The following SLC18A2 variants were observed in gnomAD, a reference collection of about 807,000 sequenced individuals.
The protein encoded by SLC18A2 is synaptic vesicular amine transporter.
A neutral mutation model predicts 59.2 loss-of-function variants in SLC18A2; 33 were observed. The observed-to-expected ratio is 0.56, with a 90% CI of 0.42 to 0.75. SLC18A2 has a LOEUF of 0.75. SLC18A2 is among the 30% of genes least tolerant of loss of function. The probability of loss-of-function intolerance (pLI) is 0.00; values close to 1 mark genes in which losing one functional copy is unlikely to be tolerated. For synonymous variants in SLC18A2, 228 were observed against 253.5 expected, an observed-to-expected ratio of 0.90 and a Z score of 0.95; for missense variants, 569 against 668.6, an observed-to-expected ratio of 0.85 and a Z score of 1.64.
At chr10:117,260,528 A>G (rs144162323) in intron 10 of SLC18A2, among the ~76,000 whole-genome samples, 1 of 152,164 alleles carries the variant, frequency 6.6e-6, no homozygotes, top group African/African-American at 2.4e-5. Context: ...TGTGTCTAGA[A>G]TTTTCTTCTA....
At chr10:117,273,074 C>G (rs1348565729) in intron 15 of SLC18A2, among the ~76,000 whole-genome samples, 1 of 152,222 alleles carries the variant, frequency 6.6e-6, no homozygotes, top group Non-Finnish European at 1.5e-5. Flanking sequence ...ATCCTGATAA[C>G]AAGGTGTTTG....
intron 3 of SLC18A2, 40 bp downstream of exon 3, chr10:117,244,353 A>T (rs774183481): frequency 2.0e-6 from 3 of 1,529,402 alleles, no homozygotes; most frequent in African/African-American, 2.7e-5. Flanking sequence ...TGATATTTGT[A>T]TCAGTCCTAG....
intron 3 of SLC18A2, among the ~76,000 whole-genome samples, chr10:117,246,217 AT>A (rs374225546): frequency 1.2e-3 from 183 of 152,344 alleles, no homozygotes; most frequent in African/African-American, 4.2e-3. Flanking sequence ...TATCGTAATA[AT>A]ACCTTGCCAA....
At chr10:117,258,842 C>T (rs113329406) in intron 10 of SLC18A2, among the ~76,000 whole-genome samples, 1 of 150,208 alleles carries the variant, frequency 6.7e-6, no homozygotes, top group African/African-American at 2.5e-5. Flanking sequence ...TCTCCACTCA[C>T]TGCAACCTCT....
At chr10:117,251,346 C>T (rs1223451108) in intron 3 of SLC18A2, among the ~76,000 whole-genome samples, 2 of 152,142 alleles carry the variant, frequency 1.3e-5, no homozygotes, top group East Asian at 1.9e-4. Context: ...CCTGCAGTGC[C>T]GTGTGAGCCC....
At chr10:117,252,134 A>AC in intron 3 of SLC18A2, among the ~76,000 whole-genome samples, 1 of 44,348 alleles carries the variant, frequency 2.3e-5, no homozygotes, top group Non-Finnish European at 4.4e-5. Context: ...CATTTTTTGT[A>AC]TTTTTTTTTT....
intron 3 of SLC18A2, among the ~76,000 whole-genome samples, chr10:117,251,147 C>A (rs760480372): frequency 7.2e-5 from 11 of 152,126 alleles, no homozygotes; most frequent in African/African-American, 2.7e-4. Context: ...AGCTTTGATA[C>A]GTATTGGTAC....
At position 117,278,860 on chromosome 10, in the gene SLC18A2, C is replaced by T. The variant is rs363236; in HGVS notation, c.*1594C>T. 116,897 of 152,130 alleles carry T rather than the reference C, an allele frequency of 0.77. 45,576 individuals are homozygous for T. The highest frequency in any genetic ancestry group is 0.85 in the Non-Finnish European group (57,772 of 68,028). The allele number at this position is 152,130 out of a possible 1,614,324, so 9.4% of individuals were successfully genotyped here. On this transcript the variant is annotated 3_prime_UTR_variant, in exon 16 of 16. Coordinates refer to ENST00000644641, the MANE Select transcript of SLC18A2 (RefSeq NM_003054.6). ...CATTGGGCAACTTGGCCAAGTCTGC[C>T]ACTTTGGAAGATGGCTCTGGAGGAA... is the stretch of plus-strand genomic sequence containing the variant.
At chr10:117,261,105 C>A (rs768519388) in intron 10 of SLC18A2, among the ~76,000 whole-genome samples, 2 of 152,102 alleles carry the variant, frequency 1.3e-5, no homozygotes, top group Non-Finnish European at 2.9e-5. Flanking sequence ...TGCCTGTAAT[C>A]CCAGCACTTT....
At chr10:117,273,862 T>G (rs1375079877) in intron 15 of SLC18A2, among the ~76,000 whole-genome samples, 1 of 152,328 alleles carries the variant, frequency 6.6e-6, no homozygotes, top group Non-Finnish European at 1.5e-5. Flanking sequence ...TTTGTACCAC[T>G]TAGGAGATCC....
chr10:117,264,852 T>G (rs1446681277), intron 10 of SLC18A2, among the ~76,000 whole-genome samples: 1 of 152,164 alleles, frequency 6.6e-6, no homozygotes, highest in Non-Finnish European at 1.5e-5. Flanking sequence ...GAGGCCAGGT[T>G]TATATACCAT....
chr10:117,269,204 TACAC>T lies in SLC18A2; in HGVS notation c.1187-865_1187-862del, dbSNP rs1308569592. The stretch of plus-strand genomic sequence containing the variant: ...ACACATACACACACACCTACACACA[TACAC>T]ATACACACACATACACAAATACAAG... On this transcript the variant is annotated intron_variant, in intron 13 of 15. Coordinates refer to ENST00000644641, the MANE Select transcript of SLC18A2 (RefSeq NM_003054.6). This position sits in a 1 kb window ranked among gnomAD's most constrained non-coding sequence, Gnocchi z 5.1. 5.3e-5 allele frequency among the ~76,000 whole-genome samples: 5 copies of T among 93,684 alleles called. No homozygotes were observed. Among genetic ancestry groups the T allele is most frequent in the Admixed American group, 3.1e-4 (3 of 9,626 alleles). The allele number at this position is 93,684 out of a possible 152,430, so 61.5% of individuals were successfully genotyped here.
chr10:117,245,967 G>T (rs1168887320), intron 3 of SLC18A2, among the ~76,000 whole-genome samples: 1 of 152,198 alleles, frequency 6.6e-6, no homozygotes, highest in Non-Finnish European at 1.5e-5. Context: ...AACATGCTAA[G>T]CAAATTAACC....
chr10:117,272,893 T>A (rs1013088778), intron 15 of SLC18A2, among the ~76,000 whole-genome samples: 2 of 152,128 alleles, frequency 1.3e-5, no homozygotes, highest in African/African-American at 2.4e-5. Context: ...TAAGGGGGCA[T>A]GCAGGCAGGA....
chr10:117,241,640 A>C lies in SLC18A2; in HGVS notation c.-15-39A>C, dbSNP rs2619094. ...TGGGGGACGGGAGAATGGGGGGTCC[A>C]CGGCCGCCTTGGGTCCTCACCGCGC... On this transcript the variant is annotated intron_variant, in intron 1 of 15. Transcript: ENST00000644641. The C allele has an allele frequency of 0.99, 1,491,071 of 1,504,598 alleles. 739,812 individuals carry two copies. Among genetic ancestry groups the C allele is most frequent in the East Asian group, 1 (36,186 of 36,186 alleles). 93.2% of individuals were successfully genotyped at this position (1,504,598 alleles called of 1,614,324 possible). A position where few individuals can be genotyped will look rare whatever the true frequency, so the allele number is the denominator to read the frequency against.
In SLC18A2 at chr10:117,267,188, T is replaced by A; in HGVS notation, c.1122+153T>A. 6.3e-6 allele frequency: 4 copies of A among 630,050 alleles called. No homozygotes were observed. In the South Asian group the frequency reaches 8.4e-5, roughly 13 times the overall value. 39.0% of individuals were successfully genotyped at this position (630,050 alleles called of 1,614,324 possible). On this transcript the variant is annotated intron_variant, in intron 12 of 15. Coordinates refer to ENST00000644641, the MANE Select transcript of SLC18A2 (RefSeq NM_003054.6). ...CTAATTTTTTATCATCTTAAAAATGTTTGGACAAGACTTTCCAAGGAGTGT... is the reference window on the plus strand; with the variant it reads ...CTAATTTTTTATCATCTTAAAAATGATTGGACAAGACTTTCCAAGGAGTGT...
At chr10:117,271,755 TA>T (rs1844430092) in intron 15 of SLC18A2, among the ~76,000 whole-genome samples, 1 of 152,196 alleles carries the variant, frequency 6.6e-6, no homozygotes. Flanking sequence ...CTTGGGTGTG[TA>T]AATTTCAGAT....
rs1844540023 is a variant in SLC18A2 at position 117,279,002 on chromosome 10, A to G, written c.*1736A>G. The G allele has an allele frequency of 6.6e-6, 1 of 152,210 alleles. No individual in the cohort carries two copies. The highest frequency in any genetic ancestry group is 2.4e-5 in the African/African-American group (1 of 41,460). 9.4% of individuals were successfully genotyped at this position (152,210 alleles called of 1,614,324 possible). A position where few individuals can be genotyped will look rare whatever the true frequency, so the allele number is the denominator to read the frequency against. Reference sequence around the variant, plus strand: ...GGGTTTCTGGTTCTCCCTGCCCCCAATACCATATACTTTATTGCAATTTTA... The same window carrying G: ...GGGTTTCTGGTTCTCCCTGCCCCCAGTACCATATACTTTATTGCAATTTTA... On this transcript the variant is annotated 3_prime_UTR_variant, in exon 16 of 16. Transcript: ENST00000644641.
chr10:117,271,705 C>T (rs1346968651), intron 15 of SLC18A2, among the ~76,000 whole-genome samples: 2 of 152,182 alleles, frequency 1.3e-5, no homozygotes, highest in Non-Finnish European at 2.9e-5. Context: ...AAAACCACAT[C>T]ACCTTCTCAG....
Sources: allele counts gnomAD v4.1 joint callset (sites outside exome capture counted in the v4.1 genomes callset), GRCh38; gene constraint gnomAD v4.1.1; non-coding constraint Gnocchi (gnomAD v3.1); transcripts MANE v1.5; gene names NCBI Gene and HGNC (gene_info 2026-07-23, HGNC 2026-07-21).